PANX1: variants seen among roughly 807,000 people sequenced by gnomAD.
PANX1 encodes pannexin 1.
A neutral mutation model predicts 38.7 loss-of-function variants in PANX1; 30 were observed. The ratio of observed to expected loss-of-function variants is 0.78; its 90% CI spans 0.58 to 1.05. The LOEUF is 1.05. Ranked by LOEUF, PANX1 falls within the 50% of genes least tolerant of loss-of-function variation. The pLI, the probability that PANX1 is intolerant of heterozygous loss-of-function variation, is 0.00. For missense variants in PANX1, 551 were observed against 517.2 expected, an observed-to-expected ratio of 1.07 and a Z score of -0.63; for synonymous variants, 230 against 212.2, an observed-to-expected ratio of 1.08 and a Z score of -0.73.
chr11:94,171,614 C>A (rs1565384234), intron 2 of PANX1, among the ~76,000 whole-genome samples: 1 of 151,598 alleles, frequency 6.6e-6, no homozygotes, highest in Non-Finnish European at 1.5e-5. Context: ...GTTTATTCAG[C>A]ACTTCTCAAT....
chr11:94,168,098 T>C (rs1947122928), intron 2 of PANX1, among the ~76,000 whole-genome samples: 1 of 151,260 alleles, frequency 6.6e-6, no homozygotes, highest in Non-Finnish European at 1.5e-5. Context: ...AGACAATTTC[T>C]TCACAATTTT....
At chr11:94,133,312 C>G (rs1018075466) in intron 1 of PANX1, among the ~76,000 whole-genome samples, 1 of 152,146 alleles carries the variant, frequency 6.6e-6, no homozygotes, top group Non-Finnish European at 1.5e-5. Flanking sequence ...TTCACCAGAT[C>G]TTGGTCTGGC....
In PANX1 at chr11:94,179,764, C is replaced by T. The variant is rs140305953; in HGVS notation, c.708C>T (p.Ser236=). Residue 236 remains serine (S), a synonymous_variant, in exon 4 of 5, where the codon AGC becomes AGT. Coordinates refer to ENST00000227638, the MANE Select transcript of PANX1 (RefSeq NM_015368.4). The part of the protein sequence containing the change: ...LACIYLGYYF[S]LSSLSDEFVC... ...GTATCTACCTGGGCTATTACTTCAG[C>T]CTCTCCTCACTCTCAGACGAGTTTG... The T allele has an allele frequency of 6.2e-7, 1 of 1,613,998 alleles. No homozygotes were observed. Among genetic ancestry groups the T allele is most frequent in the African/African-American group, 1.3e-5 (1 of 74,924 alleles).
chr11:94,151,604 G>A (rs73512256), intron 1 of PANX1, among the ~76,000 whole-genome samples: 8,447 of 152,218 alleles, frequency 0.055, 807 homozygotes, highest in African/African-American at 0.19. Flanking sequence ...ATAAGCCTTG[G>A]TAGGTGGTTG....
rs1947140756 is a variant in PANX1, at chr11:94,169,608, A to G, written c.322-8761A>G. ...CAGTATGACTGCTATCCTCATAAGA[A>G]GAGGGGAATTTGGACACAGACATGC... On this transcript the variant is annotated intron_variant, in intron 2 of 4. Coordinates refer to ENST00000227638, the MANE Select transcript of PANX1 (RefSeq NM_015368.4). Among the ~76,000 whole-genome samples, 3 of 151,760 alleles carry G rather than the reference A, an allele frequency of 2.0e-5. No homozygotes were observed. The South Asian group carries it at 6.2e-4, about 31-fold the overall frequency.
chr11:94,180,060 T>C lies in PANX1; in HGVS notation c.1004T>C (p.Leu335Ser). ...YNDLSLYNLFLEENISEVKSY... is the reference protein window; with the variant it reads ...YNDLSLYNLFSEENISEVKSY... ...GATTTGAGCCTCTACAATCTCTTCT[T>C]GGAGGAAAATATAAGTGAGGTCAAG... Residue 335 changes from leucine to serine, a missense_variant, in exon 4 of 5, where the codon TTG becomes TCG. Coordinates refer to ENST00000227638, the MANE Select transcript of PANX1 (RefSeq NM_015368.4). 1 of 1,612,616 alleles carries C rather than the reference T, an allele frequency of 6.2e-7. No homozygotes were observed. Among genetic ancestry groups the C allele is most frequent in the Non-Finnish European group, 8.5e-7 (1 of 1,179,024 alleles).
intron 1 of PANX1, among the ~76,000 whole-genome samples, chr11:94,132,752 G>A (rs368928983): frequency 6.6e-6 from 1 of 152,094 alleles, no homozygotes; most frequent in Non-Finnish European, 1.5e-5. Flanking sequence ...ATATTTTCCA[G>A]TTACTTTCCA....
chr11:94,133,625 G>T (rs1200633422), intron 1 of PANX1, among the ~76,000 whole-genome samples: 1 of 152,178 alleles, frequency 6.6e-6, no homozygotes, highest in Non-Finnish European at 1.5e-5. Context: ...CTTCTAGTCA[G>T]CCTTTCTAAA....
intron 1 of PANX1, among the ~76,000 whole-genome samples, chr11:94,149,059 G>T (rs776425380): frequency 6.6e-6 from 1 of 152,112 alleles, no homozygotes; most frequent in African/African-American, 2.4e-5. Context: ...CACAGCAAGG[G>T]TTAGTTCCCT....
In PANX1 at chr11:94,178,559, C is replaced by T. The variant is rs543769570; in HGVS notation, c.512C>T (p.Ser171Leu). ...CTTGACATGAGAGATGGAGCCTGCT[C>T]AGTTCCAGGTGTTACCGAGAACTTA... ...RDLDMRDGAC[S>L]VPGVTENLGQ... is the part of the protein sequence containing the mutation. The change falls in exon 3 of 5, where the codon TCA becomes TTA. Residue 171 changes from serine to leucine, a missense_variant. Physicochemically the swap from Ser to Leu is moderately radical, Grantham distance 145. Coordinates refer to ENST00000227638, the MANE Select transcript of PANX1 (RefSeq NM_015368.4). The T allele has an allele frequency of 5.5e-5, 89 of 1,614,028 alleles. 2 individuals carry two copies. The South Asian group carries it at 9.4e-4, about 17-fold the overall frequency.
intron 1 of PANX1, among the ~76,000 whole-genome samples, chr11:94,152,601 C>T (rs963848299): frequency 9.2e-5 from 14 of 152,268 alleles, no homozygotes; most frequent in Admixed American, 5.9e-4. Flanking sequence ...CAAGGCCTAG[C>T]GCCAGCCCCT....
At chr11:94,161,045 T>G (rs1471374428) in intron 2 of PANX1, among the ~76,000 whole-genome samples, 1 of 152,248 alleles carries the variant, frequency 6.6e-6, no homozygotes, top group Non-Finnish European at 1.5e-5. Flanking sequence ...GAATGTTGAA[T>G]ATTGGCCCCC....
chr11:94,154,651 G>A lies in PANX1; in HGVS notation c.321+1021G>A, dbSNP rs996806216. The stretch of plus-strand genomic sequence containing the variant: ...TTTAAGGGAGCTATGACTCAGGCAT[G>A]TTTGTTTATAGTTGACCCTTGAACA... On this transcript the variant is annotated intron_variant, in intron 2 of 4. Transcript: ENST00000227638. 3.3e-5 allele frequency among the ~76,000 whole-genome samples: 5 copies of A among 152,298 alleles called. No homozygotes were observed. The South Asian group carries it at 8.3e-4, about 25-fold the overall frequency.
chr11:94,148,566 G>A (rs941937166), intron 1 of PANX1, among the ~76,000 whole-genome samples: 1 of 152,118 alleles, frequency 6.6e-6, no homozygotes, highest in African/African-American at 2.4e-5. Flanking sequence ...TGTTCTCACT[G>A]AGAATTTATA....
chr11:94,153,726 G>A, intron 2 of PANX1, 96 bp downstream of exon 2: 2 of 1,104,094 alleles, frequency 1.8e-6, no homozygotes, highest in Non-Finnish European at 2.6e-6. Context: ...AGATATTGTA[G>A]CCAACCAGTG....
At chr11:94,157,918 A>G (rs907548062) in intron 2 of PANX1, among the ~76,000 whole-genome samples, 2 of 152,160 alleles carry the variant, frequency 1.3e-5, no homozygotes, top group African/African-American at 2.4e-5. Flanking sequence ...TAATTTTTGT[A>G]TAAGGTGTAA....
intron 1 of PANX1, among the ~76,000 whole-genome samples, chr11:94,133,167 C>G (rs548848679): frequency 2.8e-4 from 43 of 152,242 alleles, no homozygotes; most frequent in Non-Finnish European, 2.5e-4. Flanking sequence ...GAAGCGTCCA[C>G]TCCTCAGAGG....
At chr11:94,168,859 G>C (rs1947132242) in intron 2 of PANX1, among the ~76,000 whole-genome samples, 1 of 151,648 alleles carries the variant, frequency 6.6e-6, no homozygotes, top group Admixed American at 6.5e-5. Context: ...TCTTTTCTAA[G>C]ATACGGAAGT....
intron 2 of PANX1, among the ~76,000 whole-genome samples, chr11:94,157,752 C>A (rs557463512): frequency 6.6e-6 from 1 of 152,246 alleles, no homozygotes; most frequent in South Asian, 2.1e-4. Flanking sequence ...TTACTTAGAT[C>A]CCATTTGTCA....
Sources: gnomAD v4.1 joint callset for allele counts (sites outside exome capture counted in the v4.1 genomes callset) on GRCh38, gnomAD v4.1.1 for gene constraint, MANE v1.5 for transcripts, NCBI Gene and HGNC (gene_info 2026-07-23, HGNC 2026-07-21) for gene names.